Variants in EXOG observed in about 807,000 individuals in gnomAD.
EXOG encodes nuclease EXOG, mitochondrial.
In EXOG, 27 loss-of-function variants were observed where a neutral mutation model predicts 25.8. That is an observed-to-expected ratio of 1.05 (90% CI 0.77 to 1.45). The LOEUF is 1.45. EXOG is among the 40% of genes most tolerant of loss of function. The pLI is 0.00. For synonymous variants in EXOG, 133 were observed against 167.0 expected (o/e 0.80, Z 1.57); for missense variants, 458 against 450.5 (o/e 1.02, Z -0.15).
At position 38,524,380 on chromosome 3, in the gene EXOG, G is replaced by C. The variant is rs1166198372; in HGVS notation, c.*18G>C. 1 of 1,576,070 alleles carries C rather than the reference G, an allele frequency of 6.3e-7. No individual in the cohort carries two copies. The highest frequency in any genetic ancestry group is 8.6e-7 in the Non-Finnish European group (1 of 1,164,522). On this transcript the variant is annotated 3_prime_UTR_variant, in exon 6 of 6. Transcript: ENST00000287675. The stretch of plus-strand genomic sequence containing the variant: ...CATCCTAGTTTTTATCTCAAGATGT[G>C]TCATACCGTCTGTAATGAAGCAGGC...
chr3:38,525,723 G>T lies in EXOG; in HGVS notation c.*1361G>T. ...TTTGGGAAATCGAGGTGGGTGGATC[G>T]CTTGAGCCCAGGAGTTTGAGACCAG... On this transcript the variant is annotated 3_prime_UTR_variant, in exon 6 of 6. Transcript: ENST00000287675. 1.3e-6 allele frequency: 1 copy of T among 743,716 alleles called. No homozygotes were observed. Among genetic ancestry groups the T allele is most frequent in the Non-Finnish European group, 1.6e-6 (1 of 609,478 alleles). 46.1% of individuals were successfully genotyped at this position (743,716 alleles called of 1,614,324 possible).
chr3:38,514,751 T>C (rs546716114), intron 5 of EXOG, among the ~76,000 whole-genome samples: 7 of 144,880 alleles, frequency 4.8e-5, no homozygotes, highest in African/African-American at 1.8e-4. Flanking sequence ...TAAATCCCTC[T>C]TTTCCACCCT....
intron 2 of EXOG, among the ~76,000 whole-genome samples, chr3:38,498,451 G>A (rs1200340871): frequency 1.3e-5 from 2 of 151,968 alleles, no homozygotes; most frequent in African/African-American, 4.8e-5. Context: ...GCTACTTGGG[G>A]GACTGAGATG....
chr3:38,497,845 G>A (rs1287715352), intron 2 of EXOG, 67 bp downstream of exon 2: 1 of 1,522,432 alleles, frequency 6.6e-7, no homozygotes, highest in Non-Finnish European at 8.8e-7. Flanking sequence ...TTTAAAACAG[G>A]GATGATTATT....
chr3:38,501,517 A>G (rs775176182), intron 3 of EXOG, 23 bp downstream of exon 3: 2 of 1,609,516 alleles, frequency 1.2e-6, no homozygotes, highest in Non-Finnish European at 1.7e-6. Flanking sequence ...TGGGGGAGGG[A>G]TGGGAATATG....
chr3:38,497,501 T>C (rs1349765121), intron 1 of EXOG, 128 bp from the exon 2 acceptor site: 2 of 1,383,556 alleles, frequency 1.4e-6, no homozygotes, highest in Non-Finnish European at 1.9e-6. Context: ...ATTAGACTTC[T>C]GAGCCAGTCC....
Position 38,524,009 on chromosome 3 carries a change from C to T in EXOG, c.754C>T (p.Pro252Ser), listed in dbSNP as rs761430825. 2.1e-5 allele frequency: 34 copies of T among 1,613,978 alleles called. No homozygotes were observed. The Middle Eastern group carries it at 9.9e-4, about 47-fold the overall frequency. Reference sequence around the variant, plus strand: ...ACTGGCGCTAGGGGCCTTTGTGGTACCCAATGAAGCCATCGGCTTCCAGCC... The same window carrying T: ...ACTGGCGCTAGGGGCCTTTGTGGTATCCAATGAAGCCATCGGCTTCCAGCC... ...EPLALGAFVV[P>S]NEAIGFQPQL... The change falls in exon 6 of 6, where the codon CCC becomes TCC. Residue 252 changes from proline (P) to serine (S), a missense_variant. By Grantham distance (74) the Pro-to-Ser change is moderately conservative (BLOSUM62 -1). Coordinates refer to ENST00000287675, the MANE Select transcript of EXOG (RefSeq NM_005107.4).
chr3:38,497,597 G>A, intron 1 of EXOG, 32 bp from the exon 2 acceptor site: 1 of 1,501,464 alleles, frequency 6.7e-7, no homozygotes, highest in Non-Finnish European at 8.7e-7. Flanking sequence ...TTTTGTCTCT[G>A]CCCCCCCTTT....
At chr3:38,498,647 G>A (rs780551105) in intron 2 of EXOG, 4 of 205,552 alleles carry the variant, frequency 1.9e-5, no homozygotes, top group Non-Finnish European at 3.0e-5. Context: ...AAGAGTGAAC[G>A]GAAATTACTT....
chr3:38,512,577 C>T (rs908156347), intron 5 of EXOG, among the ~76,000 whole-genome samples: 13 of 152,046 alleles, frequency 8.6e-5, no homozygotes, highest in Admixed American at 2.6e-4. Context: ...TTAGTTCTTC[C>T]GTTGGTAAAC....
At chr3:38,511,466 T>G (rs1271216442) in intron 5 of EXOG, among the ~76,000 whole-genome samples, 1 of 152,210 alleles carries the variant, frequency 6.6e-6, no homozygotes, top group Non-Finnish European at 1.5e-5. Context: ...TTCACAGTCC[T>G]GTATCAAGGA....
intron 5 of EXOG, among the ~76,000 whole-genome samples, chr3:38,520,641 CA>C (rs1324509709): frequency 2.0e-5 from 3 of 152,108 alleles, no homozygotes; most frequent in African/African-American, 7.2e-5. Context: ...TCTTTTGTAC[CA>C]AATGCCGTTG....
chr3:38,520,620 C>T (rs567052506), intron 5 of EXOG, among the ~76,000 whole-genome samples: 1 of 152,312 alleles, frequency 6.6e-6, no homozygotes, highest in East Asian at 1.9e-4. Context: ...CCCCATCCCT[C>T]TGTAAAACCA....
At chr3:38,523,446 C>A (rs2060784070) in intron 5 of EXOG, 1 of 377,304 alleles carries the variant, frequency 2.7e-6, no homozygotes, top group South Asian at 1.1e-4. Context: ...TCACTGCACC[C>A]TCTGCCTCCT....
chr3:38,524,415 TTA>T lies in EXOG; in HGVS notation c.*54_*55del, dbSNP rs1575684259. On this transcript the variant is annotated 3_prime_UTR_variant, in exon 6 of 6. Coordinates refer to ENST00000287675, the MANE Select transcript of EXOG (RefSeq NM_005107.4). ...CTGTAATGAAGCAGGCATGCCCTCT[TTA>T]GGCTAACATATTTTAGTGGCTTTGC... 2.0e-6 allele frequency: 3 copies of T among 1,522,060 alleles called. No homozygotes were observed. Among genetic ancestry groups the T allele is most frequent in the Admixed American group, 4.6e-5 (2 of 43,812 alleles). 94.3% of individuals were successfully genotyped at this position (1,522,060 alleles called of 1,614,324 possible). A position where few individuals can be genotyped will look rare whatever the true frequency, so the allele number is the denominator to read the frequency against.
intron 5 of EXOG, among the ~76,000 whole-genome samples, chr3:38,511,793 G>A (rs187427178): frequency 2.6e-5 from 4 of 152,298 alleles, no homozygotes. Context: ...CTTCTTTAAA[G>A]TTCAGTTTTA....
At chr3:38,511,374 C>G (rs2060365782) in intron 5 of EXOG, among the ~76,000 whole-genome samples, 1 of 151,994 alleles carries the variant, frequency 6.6e-6, no homozygotes, top group African/African-American at 2.4e-5. Flanking sequence ...TTGTTACTTT[C>G]CTAATCCTCG....
chr3:38,509,357 TTTTGTGTG>T (rs2060299844), intron 5 of EXOG, among the ~76,000 whole-genome samples: 7 of 152,226 alleles, frequency 4.6e-5, no homozygotes, highest in African/African-American at 1.7e-4. Flanking sequence ...CTACATAGAT[TTTTGTGTG>T]GCTATTTCTG....
chr3:38,520,464 C>G (rs2060680940), intron 5 of EXOG, among the ~76,000 whole-genome samples: 1 of 152,192 alleles, frequency 6.6e-6, no homozygotes, highest in Non-Finnish European at 1.5e-5. Flanking sequence ...TGTTTGCTGA[C>G]TCACTGATTA....
Sources: gnomAD v4.1 joint callset for allele counts (sites outside exome capture counted in the v4.1 genomes callset) on GRCh38, gnomAD v4.1.1 for gene constraint, MANE v1.5 for transcripts, NCBI Gene and HGNC (gene_info 2026-07-23, HGNC 2026-07-21) for gene names.